The following CPAMD8 variants were observed in gnomAD, a reference collection of about 807,000 sequenced individuals.
CPAMD8 encodes C3 and PZP like alpha-2-macroglobulin domain containing 8.
CPAMD8 carries 146 observed loss-of-function variants against 224.7 expected under a neutral mutation model. The observed-to-expected ratio is 0.65, with a 90% CI of 0.57 to 0.75. CPAMD8 has a LOEUF of 0.75. Ranked by LOEUF, CPAMD8 falls within the 30% of genes least tolerant of loss-of-function variation. CPAMD8 has a pLI of 0.00. For missense variants in CPAMD8, 2,301 were observed against 2,537.5 expected (o/e 0.91, Z 2.00); for synonymous variants, 966 against 1,044.6 (o/e 0.92, Z 1.45).
intron 11 of CPAMD8, among the ~76,000 whole-genome samples, chr19:16,994,218 A>G (rs891926848): frequency 6.6e-6 from 1 of 152,248 alleles, no homozygotes; most frequent in African/African-American, 2.4e-5. Context: ...CATTCTTAGA[A>G]GAAACATAAG....
rs1287963018 is a variant in CPAMD8 at position 16,967,838 on chromosome 19, T to TAC, written c.2213+3051_2213+3052dup. ...AAATATATATATATATGTATATATATACACACATATGTGCGTGTATATACT... is the reference window on the plus strand; with the variant it reads ...AAATATATATATATATGTATATATATACACACACATATGTGCGTGTATATACT... On this transcript the variant is annotated intron_variant, in intron 18 of 41. Transcript: ENST00000443236. Among the ~76,000 whole-genome samples the TAC allele has an allele frequency of 9.3e-5, 14 of 151,268 alleles. No homozygotes were observed. In the East Asian group the frequency reaches 1.2e-3, roughly 13 times the overall value.
At chr19:16,994,082 G>A (rs73505559) in intron 11 of CPAMD8, among the ~76,000 whole-genome samples, 2,240 of 152,288 alleles carry the variant, frequency 0.015, 38 homozygotes, top group African/African-American at 0.043. Context: ...CAGCCTGAGT[G>A]ACTGAATGAG....
intron 27 of CPAMD8, among the ~76,000 whole-genome samples, chr19:16,918,789 T>A (rs2053059600): frequency 6.7e-6 from 1 of 149,502 alleles, no homozygotes; most frequent in Admixed American, 6.7e-5. Context: ...CGATCTGTAG[T>A]TGATTGAATC....
rs749723926 is a variant in CPAMD8, at chr19:16,990,700, T to TA, written c.1267-930dup. Among the ~76,000 whole-genome samples the TA allele has an allele frequency of 4.6e-5, 7 of 151,296 alleles. No homozygotes were observed. In the East Asian group the frequency reaches 9.8e-4, roughly 21 times the overall value. ...CAACATGGTGAAACCCTGTCTCTAC[T>TA]AAAATACAAAAAATTAGCCGGGCAT... is the stretch of plus-strand genomic sequence containing the variant. On this transcript the variant is annotated intron_variant, in intron 12 of 41. Coordinates refer to ENST00000443236, the MANE Select transcript of CPAMD8 (RefSeq NM_015692.5).
intron 23 of CPAMD8, 53 bp downstream of exon 23, chr19:16,938,342 T>C (rs2053766473): frequency 1.5e-5 from 16 of 1,036,448 alleles, no homozygotes; most frequent in South Asian, 1.4e-4. Context: ...AAGGCCAAAG[T>C]CCTGACCCAG....
rs778987250 is a variant in CPAMD8, at chr19:16,929,239, C to G, written c.2847G>C (p.Glu949Asp). The change falls in exon 24 of 42, where the codon GAG becomes GAC. Residue 949 changes from glutamate (E) to aspartate (D), a missense_variant and splice_region_variant. By Grantham distance (45) the Glu-to-Asp change is conservative. Around this residue, in one of 4 missense-constraint regions of CPAMD8, gnomAD observed 1,709 missense variants for 1,753.2 expected, o/e 0.97. Coordinates refer to ENST00000443236, the MANE Select transcript of CPAMD8 (RefSeq NM_015692.5). ...YTYSAFFCPS[E>D]RVHISTPNKY... ...TGTTGGGGGTGGAGATGTGGACTCT[C>G]TCTGGATGGAGGAAAGGAGATGGGG... The G allele has an allele frequency of 1.1e-5, 17 of 1,596,976 alleles. No homozygotes were observed. In the South Asian group the frequency reaches 1.9e-4, roughly 18 times the overall value.
intron 41 of CPAMD8, 34 bp downstream of exon 41, chr19:16,896,142 T>A: frequency 1.2e-6 from 2 of 1,610,872 alleles, no homozygotes; most frequent in South Asian, 2.2e-5. Flanking sequence ...ATTGAGCCTA[T>A]GTCTCTTATC....
Position 16,899,520 on chromosome 19 carries a change from C to A in CPAMD8, c.4803G>T (p.Lys1601Asn). Residue 1601 changes from lysine to asparagine, a missense_variant, in exon 37 of 42, where the codon AAG becomes AAT. Lys to Asn is a moderately conservative substitution (Grantham distance 94). Around this residue, in one of 4 missense-constraint regions of CPAMD8, gnomAD observed 1,709 missense variants for 1,753.2 expected, o/e 0.97. Transcript: ENST00000443236. This position sits in a 1 kb window ranked among gnomAD's most constrained non-coding sequence, Gnocchi z 5.4. The stretch of plus-strand genomic sequence containing the variant: ...CTCGGCGTCCAGCCACTTCATACCT[C>A]TTCATCCCCATGTGCTTGTCAAGGA... Reference protein sequence around the residue: ...QLLLDKHMGMKRYEVAGRRVL... With the variant: ...QLLLDKHMGMNRYEVAGRRVL... 1 of 1,575,846 alleles carries A rather than the reference C, an allele frequency of 6.3e-7. No homozygotes were observed. The highest frequency in any genetic ancestry group is 8.7e-7 in the Non-Finnish European group (1 of 1,145,408).
intron 18 of CPAMD8, among the ~76,000 whole-genome samples, chr19:16,970,052 G>T (rs1276539652): frequency 6.7e-6 from 1 of 149,424 alleles, no homozygotes; most frequent in African/African-American, 2.5e-5. Context: ...GGCTAACACA[G>T]TGAAACCCCG....
intron 23 of CPAMD8, among the ~76,000 whole-genome samples, chr19:16,935,394 T>C (rs944982247): frequency 1.3e-5 from 2 of 152,180 alleles, no homozygotes; most frequent in African/African-American, 4.8e-5. Context: ...TGCCCATTTA[T>C]AACCATATCC....
At position 17,008,545 on chromosome 19, in the gene CPAMD8, A is replaced by G. The variant is rs2056556417; in HGVS notation, c.519T>C (p.Ser173=). 3 of 1,613,990 alleles carry G rather than the reference A, an allele frequency of 1.9e-6. No individual in the cohort carries two copies. Among genetic ancestry groups the G allele is most frequent in the Non-Finnish European group, 2.5e-6 (3 of 1,180,052 alleles). ...LEAYILDPRG[S]RMIEWRHLKP... ...TTAAGTGTCTCCACTCTATCATCCG[A>G]GAGCCTCGGGGGTCCTGTTGGTGGT... is the stretch of plus-strand genomic sequence containing the variant. The change falls in exon 7 of 42, where the codon TCT becomes TCC. Residue 173 remains serine, a synonymous_variant. Transcript: ENST00000443236.
chr19:16,923,484 A>T (rs1160273509), intron 26 of CPAMD8, among the ~76,000 whole-genome samples: 2 of 152,204 alleles, frequency 1.3e-5, no homozygotes, highest in Non-Finnish European at 2.9e-5. Context: ...CAGAGACAGG[A>T]CCGGTGACCA....
chr19:17,002,392 TA>T (rs1269573484), intron 8 of CPAMD8, 42 bp from the exon 9 acceptor site: 11 of 1,446,872 alleles, frequency 7.6e-6, no homozygotes, highest in Non-Finnish European at 1.1e-5. Flanking sequence ...CTTCTGTCCC[TA>T]AGGTGGCCTC....
chr19:17,006,769 C>A (rs1380053060), intron 7 of CPAMD8, among the ~76,000 whole-genome samples: 2 of 152,118 alleles, frequency 1.3e-5, no homozygotes, highest in Non-Finnish European at 2.9e-5. Context: ...AAGGATCCTC[C>A]TTCAGGCAGC....
intron 23 of CPAMD8, among the ~76,000 whole-genome samples, chr19:16,936,569 A>AT (rs992300059): frequency 2.6e-4 from 39 of 150,734 alleles, no homozygotes; most frequent in East Asian, 7.9e-4. Flanking sequence ...TGCCTGGCTA[A>AT]TTTTTTTTTG....
Position 16,914,639 on chromosome 19 carries a change from G to A in CPAMD8, c.3786+18C>T. Reference sequence around the variant, plus strand: ...AGGAGGTGAGGGGCCCGGGAAGGAGGCTCAAGGGGCCACTCACCTGGATGT... The same window carrying A: ...AGGAGGTGAGGGGCCCGGGAAGGAGACTCAAGGGGCCACTCACCTGGATGT... On this transcript the variant is annotated intron_variant, in intron 28 of 41. Transcript: ENST00000443236. 6.2e-7 allele frequency: 1 copy of A among 1,613,762 alleles called. No homozygotes were observed. The highest frequency in any genetic ancestry group is 8.5e-7 in the Non-Finnish European group (1 of 1,179,786).
chr19:16,940,434 C>T (rs1221864314), intron 22 of CPAMD8, among the ~76,000 whole-genome samples: 1 of 149,776 alleles, frequency 6.7e-6, no homozygotes, highest in African/African-American at 2.5e-5. Context: ...CACTCAACCT[C>T]TCTGGGCCCC....
At chr19:16,945,331 T>A (rs904605623) in intron 22 of CPAMD8, among the ~76,000 whole-genome samples, 1 of 152,132 alleles carries the variant, frequency 6.6e-6, no homozygotes, top group Non-Finnish European at 1.5e-5. Flanking sequence ...CAAGCTGCTT[T>A]ACCGAAGCCC....
chr19:16,993,321 C>T (rs1435736157), intron 12 of CPAMD8, 95 bp downstream of exon 12: 1 of 1,002,784 alleles, frequency 1.0e-6, no homozygotes, highest in Non-Finnish European at 1.5e-6. Context: ...GGGACGGGCT[C>T]CAGGCCCACT....
Sources: gnomAD v4.1 joint callset for allele counts (sites outside exome capture counted in the v4.1 genomes callset) on GRCh38, gnomAD v4.1.1 for gene constraint, gnomAD v4.1.1 regional missense constraint, Gnocchi (gnomAD v3.1) non-coding constraint, MANE v1.5 for transcripts, NCBI Gene and HGNC (gene_info 2026-07-23, HGNC 2026-07-21) for gene names.